PRKN: variants seen among roughly 807,000 people sequenced by gnomAD.
PRKN encodes the protein E3 ubiquitin-protein ligase parkin.
PRKN carries 56 observed loss-of-function variants against 59.5 expected under a neutral mutation model. The observed-to-expected ratio is 0.94, with a 90% CI of 0.76 to 1.18. The LOEUF (loss-of-function observed/expected upper bound fraction) is 1.18, where lower values mean the gene tolerates loss of function less well. Ranked by LOEUF, PRKN falls within the 50% of genes most tolerant of loss-of-function variation. The probability of loss-of-function intolerance (pLI) is 0.00; values close to 1 mark genes in which losing one functional copy is unlikely to be tolerated. For synonymous variants in PRKN, 250 were observed against 222.1 expected (o/e 1.13, Z -1.12); for missense variants, 657 against 596.4 (o/e 1.10, Z -1.06).
At chr6:161,734,493 G>A (rs1470659492) in intron 7 of PRKN, among the ~76,000 whole-genome samples, 1 of 152,168 alleles carries the variant, frequency 6.6e-6, no homozygotes, top group East Asian at 1.9e-4. Context: ...TGATGGTCAA[G>A]ACCCTCTCTG....
chr6:162,169,626 G>A (rs1468040339), intron 4 of PRKN, among the ~76,000 whole-genome samples: 1 of 152,170 alleles, frequency 6.6e-6, no homozygotes. Flanking sequence ...GTAGGAGTTG[G>A]ATGAATATTT....
chr6:161,814,402 C>G (rs1791682795), intron 6 of PRKN, among the ~76,000 whole-genome samples: 1 of 152,206 alleles, frequency 6.6e-6, no homozygotes, highest in Admixed American at 6.5e-5. Context: ...CTCACAGTTT[C>G]ACATGGCTAA....
In PRKN at chr6:162,346,281, G is replaced by C. The variant is rs80191050; in HGVS notation, c.172-83516C>G. 5.9e-3 allele frequency among the ~76,000 whole-genome samples: 898 copies of C among 151,972 alleles called. 10 individuals carry two copies. The highest frequency in any genetic ancestry group is 0.021 in the African/African-American group (867 of 41,428). ...AAAATAACCTTTGAGCATTTTTGCC[G>C]TATTTTCCACAGTTTTTAAATAGAT... On this transcript the variant is annotated intron_variant, in intron 2 of 11. Coordinates refer to ENST00000366898, the MANE Select transcript of PRKN (RefSeq NM_004562.3).
rs577910822 is a variant in PRKN, at chr6:161,470,501, A to C, written c.1083+78353T>G. On this transcript the variant is annotated intron_variant, in intron 9 of 11. Coordinates refer to ENST00000366898, the MANE Select transcript of PRKN (RefSeq NM_004562.3). This position sits in a 1 kb window ranked among gnomAD's most constrained non-coding sequence, Gnocchi z 5.1. ...TCTGGATTACCTGAGAAGCACTCCC[A>C]GTCTAACCCTTTGACCCACTCAAGA... Among the ~76,000 whole-genome samples the C allele has an allele frequency of 6.6e-6, 1 of 152,338 alleles. No individual in the cohort carries two copies. Among genetic ancestry groups the C allele is most frequent in the South Asian group, 2.1e-4 (1 of 4,824 alleles).
In PRKN at chr6:162,437,368, A is replaced by G. The variant is rs116470734; in HGVS notation, c.171+5942T>C. Among the ~76,000 whole-genome samples, 1,311 of 152,198 alleles carry G rather than the reference A, an allele frequency of 8.6e-3. 20 individuals carry two copies. The highest frequency in any genetic ancestry group is 0.03 in the African/African-American group (1,237 of 41,526). On this transcript the variant is annotated intron_variant, in intron 2 of 11. Transcript: ENST00000366898. ...ATATCCTAGGTTTTTTTTAAATTCA[A>G]CTTTATATTAAAATGCTTACACATT...
chr6:162,473,942 G>A (rs1311172256), intron 1 of PRKN, among the ~76,000 whole-genome samples: 1 of 152,086 alleles, frequency 6.6e-6, no homozygotes. Context: ...CAATGATGGG[G>A]TAAAAATAAC....
intron 8 of PRKN, among the ~76,000 whole-genome samples, chr6:161,563,544 T>G (rs1234957170): frequency 2.0e-5 from 3 of 151,852 alleles, no homozygotes; most frequent in Non-Finnish European, 1.5e-5. Flanking sequence ...GGGGAAGGAG[T>G]GTTGAAAGGT....
chr6:161,850,084 C>T (rs1032800986), intron 6 of PRKN, among the ~76,000 whole-genome samples: 1 of 152,026 alleles, frequency 6.6e-6, no homozygotes, highest in Admixed American at 6.6e-5. Context: ...GGGAAGCTGA[C>T]GCTACTACAA....
At chr6:161,505,666 G>A (rs1333975753) in intron 9 of PRKN, among the ~76,000 whole-genome samples, 3 of 142,562 alleles carry the variant, frequency 2.1e-5, no homozygotes, top group Non-Finnish European at 3.1e-5. Context: ...TAGGTCTAAC[G>A]TTTAAGTCTT....
chr6:161,583,499 A>C (rs981341768), intron 7 of PRKN, among the ~76,000 whole-genome samples: 1 of 152,056 alleles, frequency 6.6e-6, no homozygotes, highest in African/African-American at 2.4e-5. Context: ...GAAATGCTTA[A>C]TATTTACAAT....
At chr6:161,745,751 G>C (rs1788388517) in intron 7 of PRKN, among the ~76,000 whole-genome samples, 1 of 152,182 alleles carries the variant, frequency 6.6e-6, no homozygotes, top group African/African-American at 2.4e-5. Context: ...TGGGATCAAA[G>C]CTGAGCAAAT....
At chr6:161,882,640 T>G (rs1170950473) in intron 6 of PRKN, among the ~76,000 whole-genome samples, 1 of 152,222 alleles carries the variant, frequency 6.6e-6, no homozygotes, top group African/African-American at 2.4e-5. Flanking sequence ...CAAATATGTT[T>G]TAACTGTTTC....
At chr6:161,495,730 G>C (rs1425411223) in intron 9 of PRKN, among the ~76,000 whole-genome samples, 6 of 152,184 alleles carry the variant, frequency 3.9e-5, no homozygotes, top group Non-Finnish European at 8.8e-5. Context: ...TTCCTGTTTT[G>C]TTCACACAAC....
rs1583377725 is a variant in PRKN, at chr6:161,940,397, G to A, written c.734+32905C>T. Among the ~76,000 whole-genome samples, 4 of 152,346 alleles carry A rather than the reference G, an allele frequency of 2.6e-5. No individual in the cohort carries two copies. In the Middle Eastern group the frequency reaches 0.01, roughly 389 times the overall value. Reference sequence around the variant, plus strand: ...GACCACCTGTTAATGGCTGGTGCCAGCAAGGTGGTGCCTCCATGGCTGCTC... The same window carrying A: ...GACCACCTGTTAATGGCTGGTGCCAACAAGGTGGTGCCTCCATGGCTGCTC... On this transcript the variant is annotated intron_variant, in intron 6 of 11. Coordinates refer to ENST00000366898, the MANE Select transcript of PRKN (RefSeq NM_004562.3).
intron 4 of PRKN, among the ~76,000 whole-genome samples, chr6:162,090,472 T>C (rs987924163): frequency 6.6e-6 from 1 of 152,228 alleles, no homozygotes; most frequent in Non-Finnish European, 1.5e-5. Context: ...AAGAGGTCAC[T>C]GGTTCTGCTT....
At chr6:162,059,496 A>C (rs1008832214) in intron 4 of PRKN, among the ~76,000 whole-genome samples, 7 of 152,202 alleles carry the variant, frequency 4.6e-5, no homozygotes, top group African/African-American at 1.7e-4. Context: ...CATTGAACAC[A>C]GTGTTTTAAG....
rs1779345670 is a variant in PRKN, at chr6:162,249,727, A to G, written c.412+12798T>C. Among the ~76,000 whole-genome samples, 6 of 152,212 alleles carry G rather than the reference A, an allele frequency of 3.9e-5. No homozygotes were observed. The South Asian group carries it at 1.2e-3, about 32-fold the overall frequency. ...TATATGGCTATAGATTTGTAAAGCA[A>G]ACTCAAGCAGGCCTATCTGGTTAAT... On this transcript the variant is annotated intron_variant, in intron 3 of 11. Transcript: ENST00000366898.
intron 7 of PRKN, among the ~76,000 whole-genome samples, chr6:161,665,302 A>G (rs1231770600): frequency 6.6e-6 from 1 of 152,182 alleles, no homozygotes; most frequent in Non-Finnish European, 1.5e-5. Context: ...TGGCCAGTAT[A>G]CAGGTAACTG....
Position 161,458,217 on chromosome 6 carries a change from GC to G in PRKN, c.1084-71341del, listed in dbSNP as rs1790056668. ...GCAGCTGCTTATCGAGCTAAAGAAG[GC>G]CTGGTGTCTCTGCTGCCACTTACAG... On this transcript the variant is annotated intron_variant, in intron 9 of 11. Transcript: ENST00000366898. The surrounding 1 kb of genome is among the most constrained non-coding windows in gnomAD (Gnocchi z 6.1). 6.6e-6 allele frequency among the ~76,000 whole-genome samples: 1 copy of G among 152,178 alleles called. No individual in the cohort carries two copies. The highest frequency in any genetic ancestry group is 2.4e-5 in the African/African-American group (1 of 41,436).
Sources: allele counts gnomAD v4.1 joint callset (sites outside exome capture counted in the v4.1 genomes callset), GRCh38; gene constraint gnomAD v4.1.1; non-coding constraint Gnocchi (gnomAD v3.1); transcripts MANE v1.5; gene names NCBI Gene and HGNC (gene_info 2026-07-23, HGNC 2026-07-21).